TRAPPC9: variants seen among roughly 807,000 people sequenced by gnomAD.
TRAPPC9 encodes the protein trafficking protein particle complex subunit 9.
In TRAPPC9, 83 loss-of-function variants were observed where a neutral mutation model predicts 124.0. The ratio of observed to expected loss-of-function variants is 0.67; its 90% CI spans 0.56 to 0.80. The LOEUF (loss-of-function observed/expected upper bound fraction) is 0.80. Among genes scored for constraint, TRAPPC9 ranks in the 30% least tolerant of loss-of-function variants. The pLI, the probability that TRAPPC9 is intolerant of heterozygous loss-of-function variation, is 0.00. For synonymous variants in TRAPPC9, 638 were observed against 617.5 expected (o/e 1.03, Z -0.49); for missense variants, 1,302 against 1,508.3 (o/e 0.86, Z 2.27).
intron 21 of TRAPPC9, among the ~76,000 whole-genome samples, chr8:139,848,406 T>C (rs1389701032): frequency 6.6e-6 from 1 of 152,160 alleles, no homozygotes; most frequent in African/African-American, 2.4e-5. Context: ...TAGAGTGGCA[T>C]ATCACACGGT....
chr8:139,836,010 A>AT (rs1173620033), intron 21 of TRAPPC9, among the ~76,000 whole-genome samples: 94 of 121,660 alleles, frequency 7.7e-4, no homozygotes, highest in African/African-American at 4.4e-3. Flanking sequence ...GCATTTATTT[A>AT]TTTATTTATT....
chr8:140,287,177 G>C (rs1343423705), intron 13 of TRAPPC9, among the ~76,000 whole-genome samples: 3 of 152,154 alleles, frequency 2.0e-5, no homozygotes, highest in Non-Finnish European at 4.4e-5. Context: ...AGTAGGCCCT[G>C]TATTTAGCCC....
At chr8:139,869,667 A>T (rs1418164861) in intron 21 of TRAPPC9, among the ~76,000 whole-genome samples, 3 of 152,250 alleles carry the variant, frequency 2.0e-5, no homozygotes, top group Non-Finnish European at 4.4e-5. Flanking sequence ...TAGTTACAAA[A>T]ATCTTAGCAC....
intron 21 of TRAPPC9, among the ~76,000 whole-genome samples, chr8:139,826,215 C>T (rs1429099873): frequency 2.0e-5 from 3 of 152,164 alleles, no homozygotes; most frequent in Non-Finnish European, 4.4e-5. Flanking sequence ...CTCTGGGGGC[C>T]TGGAATCAAT....
chr8:140,191,253 T>A (rs1016151379), intron 17 of TRAPPC9, among the ~76,000 whole-genome samples: 3 of 152,186 alleles, frequency 2.0e-5, no homozygotes, highest in Non-Finnish European at 4.4e-5. Flanking sequence ...TTATTCTTAT[T>A]TTTCAAATAA....
intron 17 of TRAPPC9, among the ~76,000 whole-genome samples, chr8:140,044,084 G>A (rs1282165594): frequency 1.3e-5 from 2 of 152,094 alleles, no homozygotes; most frequent in East Asian, 3.9e-4. Flanking sequence ...TTCAAACCTT[G>A]GTAGTCGCCC....
chr8:140,208,533 C>T (rs923095611), intron 17 of TRAPPC9, among the ~76,000 whole-genome samples: 2 of 152,208 alleles, frequency 1.3e-5, no homozygotes, highest in African/African-American at 2.4e-5. Context: ...AACGCAGATG[C>T]CACTGCCTTA....
intron 17 of TRAPPC9, among the ~76,000 whole-genome samples, chr8:140,124,918 CT>C (rs906698907): frequency 6.6e-6 from 1 of 152,294 alleles, no homozygotes. Context: ...AAAAGAAGAC[CT>C]TTGGGTTTCA....
At chr8:140,311,402 G>A (rs747348521) in intron 9 of TRAPPC9, 28 bp from the exon 10 acceptor site, 9 of 1,610,898 alleles carry the variant, frequency 5.6e-6, no homozygotes, top group Non-Finnish European at 7.6e-6. Flanking sequence ...ACAAAATAAA[G>A]ATGTATTAGG....
rs956531829 is a variant in TRAPPC9 at position 139,759,584 on chromosome 8, G to A, written c.3056-27382C>T. On this transcript the variant is annotated intron_variant, in intron 21 of 22. Transcript: ENST00000438773. ...AGGGCTACAGCGGTTCCTCTGCAGA[G>A]GAACGAGCCTGGCGATTTTTCAGAC... 1.1e-4 allele frequency among the ~76,000 whole-genome samples: 16 copies of A among 152,178 alleles called. 1 individual carries two copies. Among genetic ancestry groups the A allele is most frequent in the Admixed American group, 9.8e-4 (15 of 15,280 alleles).
intron 21 of TRAPPC9, among the ~76,000 whole-genome samples, chr8:139,755,612 T>A (rs370318427): frequency 4.4e-4 from 32 of 73,546 alleles, no homozygotes; most frequent in African/African-American, 1.3e-3. Context: ...GGAGCCAGGG[T>A]TGGGGTATAA....
intron 19 of TRAPPC9, among the ~76,000 whole-genome samples, chr8:139,941,033 G>A (rs1192418527): frequency 6.6e-6 from 1 of 152,220 alleles, no homozygotes; most frequent in East Asian, 1.9e-4. Context: ...ACATACCTGG[G>A]GTGGACCCAC....
intron 21 of TRAPPC9, among the ~76,000 whole-genome samples, chr8:139,785,801 T>C (rs1009337182): frequency 3.3e-5 from 5 of 152,034 alleles, no homozygotes; most frequent in Non-Finnish European, 7.4e-5. Flanking sequence ...AAAGACACTA[T>C]TAAGAGAATG....
intron 16 of TRAPPC9, among the ~76,000 whole-genome samples, chr8:140,227,002 A>G (rs2063470501): frequency 1.3e-5 from 2 of 152,228 alleles, no homozygotes; most frequent in South Asian, 4.1e-4. Flanking sequence ...TATAGACTAC[A>G]GAAGTCTGTT....
intron 17 of TRAPPC9, among the ~76,000 whole-genome samples, chr8:140,210,816 G>A (rs1025271078): frequency 6.6e-6 from 1 of 152,200 alleles, no homozygotes; most frequent in Non-Finnish European, 1.5e-5. Flanking sequence ...TCTTATGCAA[G>A]CCTGTGGCCA....
At chr8:139,995,848 AG>A (rs1360253926) in intron 18 of TRAPPC9, among the ~76,000 whole-genome samples, 1 of 147,080 alleles carries the variant, frequency 6.8e-6, no homozygotes, top group Non-Finnish European at 1.5e-5. Flanking sequence ...AGCCTGCAAA[AG>A]GTACTCTGCA....
At chr8:140,439,304 C>A in intron 2 of TRAPPC9, 107 bp from the exon 3 acceptor site, 2 of 1,218,556 alleles carry the variant, frequency 1.6e-6, no homozygotes, top group Admixed American at 3.9e-5. Flanking sequence ...GCTAAGAAGG[C>A]AACTGTAGGC....
intron 9 of TRAPPC9, among the ~76,000 whole-genome samples, chr8:140,342,008 G>T (rs1349153746): frequency 6.6e-6 from 1 of 152,252 alleles, no homozygotes; most frequent in Admixed American, 6.5e-5. Context: ...TTTATCATAG[G>T]GGTGGAGGAC....
chr8:140,323,891 AAT>A (rs1267546010), intron 9 of TRAPPC9, among the ~76,000 whole-genome samples: 2 of 110,246 alleles, frequency 1.8e-5, no homozygotes, highest in African/African-American at 7.6e-5. Flanking sequence ...TTTTTTAAAA[AAT>A]ATATTTTTTT....
Sources: gnomAD v4.1 joint callset for allele counts (sites outside exome capture counted in the v4.1 genomes callset) on GRCh38, gnomAD v4.1.1 for gene constraint, MANE v1.5 for transcripts, NCBI Gene and HGNC (gene_info 2026-07-23, HGNC 2026-07-21) for gene names.